Variants in STXBP5L observed in about 807,000 individuals in gnomAD.
The protein encoded by STXBP5L is syntaxin binding protein 5L, also known as syntaxin-binding protein 5-like.
STXBP5L carries 65 observed loss-of-function variants against 144.5 expected under a neutral mutation model. That is an observed-to-expected ratio of 0.45 (90% CI 0.37 to 0.55). The LOEUF is 0.55. Ranked by LOEUF, STXBP5L falls within the 20% of genes least tolerant of loss-of-function variation. The probability of loss-of-function intolerance (pLI) is 0.00; values close to 1 mark genes in which losing one functional copy is unlikely to be tolerated. For missense variants in STXBP5L, 1,298 were observed against 1,405.5 expected (o/e 0.92, Z 1.22); for synonymous variants, 505 against 469.6 (o/e 1.08, Z -0.97).
intron 24 of STXBP5L, 102 bp from the exon 25 acceptor site, chr3:121,415,755 C>T (rs1425160628): frequency 1.6e-6 from 1 of 625,976 alleles, no homozygotes; most frequent in African/African-American, 1.9e-5. Context: ...GAAAAGCAGA[C>T]TGTTTTTTCA....
chr3:121,055,270 G>A (rs1432811916), intron 5 of STXBP5L, among the ~76,000 whole-genome samples: 1 of 152,086 alleles, frequency 6.6e-6, no homozygotes, highest in East Asian at 1.9e-4. Flanking sequence ...AGGTCCTATA[G>A]GAGAATTTAA....
At chr3:121,025,919 TATA>T (rs553527927) in intron 3 of STXBP5L, among the ~76,000 whole-genome samples, 14,412 of 146,120 alleles carry the variant, frequency 0.099, 1,138 homozygotes, top group Admixed American at 0.2. Flanking sequence ...AATTTATAAA[TATA>T]TCTATAATTT....
At chr3:120,946,053 A>AT (rs932998446) in intron 2 of STXBP5L, among the ~76,000 whole-genome samples, 5 of 151,716 alleles carry the variant, frequency 3.3e-5, no homozygotes, top group Non-Finnish European at 5.9e-5. Flanking sequence ...TATTTTTTTC[A>AT]TTTTTTAGGC....
At chr3:121,187,162 C>G (rs1348337037) in intron 9 of STXBP5L, among the ~76,000 whole-genome samples, 1 of 152,074 alleles carries the variant, frequency 6.6e-6, no homozygotes, top group Non-Finnish European at 1.5e-5. Flanking sequence ...TTGGAACCAA[C>G]TATGATAGAC....
chr3:121,041,144 G>A (rs1419001732), intron 3 of STXBP5L, among the ~76,000 whole-genome samples: 1 of 146,940 alleles, frequency 6.8e-6, no homozygotes, highest in Non-Finnish European at 1.5e-5. Context: ...TAGATGACTT[G>A]TTACCATTTA....
At chr3:121,172,222 C>T (rs1374163517) in intron 9 of STXBP5L, among the ~76,000 whole-genome samples, 4 of 152,088 alleles carry the variant, frequency 2.6e-5, no homozygotes, top group South Asian at 2.1e-4. Flanking sequence ...AGACCTAAAA[C>T]CATAAAAACC....
chr3:121,220,366 T>C (rs2048938110), intron 10 of STXBP5L, among the ~76,000 whole-genome samples: 1 of 152,140 alleles, frequency 6.6e-6, no homozygotes, highest in Non-Finnish European at 1.5e-5. Context: ...CATTTATTTC[T>C]TTTATAAGAA....
intron 5 of STXBP5L, among the ~76,000 whole-genome samples, chr3:121,093,493 A>G (rs1235199623): frequency 1.3e-5 from 2 of 152,134 alleles, no homozygotes; most frequent in South Asian, 4.1e-4. Context: ...TTCCTGGTTT[A>G]GTCTTGGGAG....
intron 3 of STXBP5L, among the ~76,000 whole-genome samples, chr3:121,006,992 T>G (rs1207051657): frequency 2.0e-5 from 3 of 152,162 alleles, no homozygotes; most frequent in Non-Finnish European, 4.4e-5. Flanking sequence ...ATTTTTTCCT[T>G]CATTTCAACT....
chr3:121,188,878 A>G (rs2047512336), intron 9 of STXBP5L, among the ~76,000 whole-genome samples: 1 of 152,224 alleles, frequency 6.6e-6, no homozygotes, highest in South Asian at 2.1e-4. Flanking sequence ...AACTGGAAGC[A>G]TTCCCTTTGA....
At chr3:121,399,506 T>G (rs1419622969) in intron 22 of STXBP5L, among the ~76,000 whole-genome samples, 1 of 152,090 alleles carries the variant, frequency 6.6e-6, no homozygotes, top group Non-Finnish European at 1.5e-5. Flanking sequence ...TGAACAGAGA[T>G]TTACCCACGT....
chr3:121,236,244 A>G (rs2049477659), intron 12 of STXBP5L, among the ~76,000 whole-genome samples: 1 of 152,222 alleles, frequency 6.6e-6, no homozygotes, highest in Non-Finnish European at 1.5e-5. Context: ...AAACCTACAT[A>G]TGACACACAT....
intron 18 of STXBP5L, 91 bp from the exon 19 acceptor site, chr3:121,279,714 A>G (rs1265196151): frequency 8.0e-6 from 12 of 1,501,264 alleles, no homozygotes; most frequent in Non-Finnish European, 1.0e-5. Context: ...ACCCTAAGAC[A>G]TTACTTTTCA....
At chr3:120,968,743 T>C (rs556986587) in intron 3 of STXBP5L, among the ~76,000 whole-genome samples, 2 of 152,280 alleles carry the variant, frequency 1.3e-5, no homozygotes, top group African/African-American at 4.8e-5. Flanking sequence ...AAGTCCATTA[T>C]ATCACTCTTA....
chr3:121,242,167 A>G (rs1216963064), intron 14 of STXBP5L, among the ~76,000 whole-genome samples: 1 of 152,196 alleles, frequency 6.6e-6, no homozygotes, highest in Non-Finnish European at 1.5e-5. Flanking sequence ...TTCCCTACAC[A>G]GAAAGGAAAT....
chr3:121,145,088 G>T (rs989397295), intron 7 of STXBP5L, among the ~76,000 whole-genome samples: 1 of 151,764 alleles, frequency 6.6e-6, no homozygotes, highest in Non-Finnish European at 1.5e-5. Flanking sequence ...GAAATCTGCT[G>T]TGCAACATTG....
chr3:121,063,748 G>A (rs2041403785), intron 5 of STXBP5L, among the ~76,000 whole-genome samples: 1 of 152,104 alleles, frequency 6.6e-6, no homozygotes, highest in African/African-American at 2.4e-5. Flanking sequence ...AGCTGTGGTG[G>A]GCTCCATCCA....
At chr3:121,411,380 G>A (rs1213905963) in intron 23 of STXBP5L, among the ~76,000 whole-genome samples, 1 of 151,918 alleles carries the variant, frequency 6.6e-6, no homozygotes, top group African/African-American at 2.4e-5. Context: ...TATGATCTAG[G>A]ACAATGTAAA....
intron 11 of STXBP5L, among the ~76,000 whole-genome samples, chr3:121,225,716 C>T (rs1320870274): frequency 6.6e-6 from 1 of 152,212 alleles, no homozygotes; most frequent in Non-Finnish European, 1.5e-5. Flanking sequence ...TGCCACACCA[C>T]AAATCTTTGC....
Sources: gnomAD v4.1 joint callset for allele counts (sites outside exome capture counted in the v4.1 genomes callset) on GRCh38, gnomAD v4.1.1 for gene constraint, MANE v1.5 for transcripts, NCBI Gene and HGNC (gene_info 2026-07-23, HGNC 2026-07-21) for gene names.